Variants in SSBP2 observed in about 807,000 individuals in gnomAD.
SSBP2 encodes the protein single-stranded DNA-binding protein 2.
SSBP2 carries 17 observed loss-of-function variants against 61.8 expected under a neutral mutation model. The ratio of observed to expected loss-of-function variants is 0.28; its 90% CI spans 0.19 to 0.41. SSBP2 has a LOEUF of 0.41. Ranked by LOEUF, SSBP2 falls within the 10% of genes least tolerant of loss-of-function variation. The pLI, the probability that SSBP2 is intolerant of heterozygous loss-of-function variation, is 1.00. For missense variants in SSBP2, 310 were observed against 458.7 expected (o/e 0.68, Z 2.96); for synonymous variants, 139 against 141.3 (o/e 0.98, Z 0.12).
intron 4 of SSBP2, among the ~76,000 whole-genome samples, chr5:81,533,368 G>A (rs191586456): frequency 7.4e-4 from 113 of 151,956 alleles, no homozygotes; most frequent in African/African-American, 2.7e-3. Context: ...AATTTGTGGG[G>A]TAAAGCTAAA....
intron 1 of SSBP2, among the ~76,000 whole-genome samples, chr5:81,716,871 T>C (rs754943940): frequency 1.6e-4 from 25 of 152,176 alleles, no homozygotes; most frequent in Non-Finnish European, 3.1e-4. Context: ...AAGGGAAGCA[T>C]CAAGTATGTG....
intron 4 of SSBP2, among the ~76,000 whole-genome samples, chr5:81,607,877 G>C (rs1745030339): frequency 6.6e-6 from 1 of 152,122 alleles, no homozygotes; most frequent in Non-Finnish European, 1.5e-5. Flanking sequence ...AGTTCGAGCT[G>C]GAAGCATTCT....
At chr5:81,727,070 G>A (rs537027584) in intron 1 of SSBP2, among the ~76,000 whole-genome samples, 2 of 152,128 alleles carry the variant, frequency 1.3e-5, no homozygotes, top group Non-Finnish European at 2.9e-5. Context: ...TTTAGGAAGC[G>A]GCAAAATAGA....
chr5:81,750,639 C>A (rs1444731049), intron 1 of SSBP2: 1 of 274,820 alleles, frequency 3.6e-6, no homozygotes, highest in Non-Finnish European at 6.9e-6. Context: ...CCCCGGAGCC[C>A]CGGACCCCAG....
chr5:81,662,784 G>A (rs756840014), intron 1 of SSBP2, among the ~76,000 whole-genome samples: 3 of 152,062 alleles, frequency 2.0e-5, no homozygotes, highest in Non-Finnish European at 1.5e-5. Context: ...CTGGGTGACA[G>A]AGCAAGACTC....
chr5:81,424,405 C>T (rs1761820577), intron 16 of SSBP2, among the ~76,000 whole-genome samples: 1 of 151,626 alleles, frequency 6.6e-6, no homozygotes, highest in South Asian at 2.1e-4. Flanking sequence ...GCCTGGGAAA[C>T]AGAATGAGAC....
intron 1 of SSBP2, among the ~76,000 whole-genome samples, chr5:81,655,525 G>A (rs572963432): frequency 3.3e-5 from 5 of 152,148 alleles, no homozygotes; most frequent in African/African-American, 1.2e-4. Context: ...CAGTGACCAA[G>A]TTATCAAAAT....
intron 16 of SSBP2, among the ~76,000 whole-genome samples, chr5:81,425,704 A>T (rs955922664): frequency 6.6e-6 from 1 of 152,016 alleles, no homozygotes; most frequent in African/African-American, 2.4e-5. Flanking sequence ...CTTGAAATAA[A>T]GGGTCTTGGT....
At chr5:81,466,287 A>G (rs1190439850) in intron 9 of SSBP2, among the ~76,000 whole-genome samples, 1 of 152,020 alleles carries the variant, frequency 6.6e-6, no homozygotes, top group Admixed American at 6.6e-5. Flanking sequence ...AAATTTCCTA[A>G]CAAACTACAT....
chr5:81,616,506 G>A (rs1746051595), intron 3 of SSBP2: 1 of 149,858 alleles, frequency 6.7e-6, no homozygotes, highest in African/African-American at 2.5e-5. Flanking sequence ...AAACTGCAAG[G>A]CGGCAGCGAG....
chr5:81,589,874 G>GGAGA (rs151202879), intron 4 of SSBP2, among the ~76,000 whole-genome samples: 1 of 150,594 alleles, frequency 6.6e-6, no homozygotes, highest in Non-Finnish European at 1.5e-5. Context: ...GGTGAGAGAG[G>GGAGA]GAGAGAGAGA....
At chr5:81,539,864 A>T (rs1771113729) in intron 4 of SSBP2, among the ~76,000 whole-genome samples, 1 of 152,170 alleles carries the variant, frequency 6.6e-6, no homozygotes, top group Non-Finnish European at 1.5e-5. Context: ...CATCTACATT[A>T]GGTATTTCTC....
chr5:81,670,249 T>G (rs1259750468), intron 1 of SSBP2, among the ~76,000 whole-genome samples: 1 of 152,160 alleles, frequency 6.6e-6, no homozygotes, highest in Non-Finnish European at 1.5e-5. Flanking sequence ...AACGTGGAGG[T>G]AACACATGTG....
At chr5:81,739,612 C>T (rs1756871620) in intron 1 of SSBP2, among the ~76,000 whole-genome samples, 1 of 152,066 alleles carries the variant, frequency 6.6e-6, no homozygotes, top group South Asian at 2.1e-4. Flanking sequence ...CTCAGGAAGG[C>T]TCAACAGAGG....
rs558664290 is a variant in SSBP2 at position 81,421,104 on chromosome 5, T to C, written c.1057-571A>G. ...AACAGAAACAACTCCAAGCTGGCCC[T>C]GGGAAGCTCTCATTAAAGCATTTAA... is the stretch of plus-strand genomic sequence containing the variant. On this transcript the variant is annotated intron_variant, in intron 16 of 16. Transcript: ENST00000320672. Among the ~76,000 whole-genome samples, 28 of 152,288 alleles carry C rather than the reference T, an allele frequency of 1.8e-4. No homozygotes were observed. The South Asian group carries it at 5.4e-3, about 29-fold the overall frequency.
At chr5:81,749,850 C>T (rs1757604521) in intron 1 of SSBP2, among the ~76,000 whole-genome samples, 1 of 152,138 alleles carries the variant, frequency 6.6e-6, no homozygotes, top group Admixed American at 6.5e-5. Context: ...GCCTCTTGGG[C>T]TCCCACCGAA....
chr5:81,564,148 A>G (rs1773257429), intron 4 of SSBP2, among the ~76,000 whole-genome samples: 1 of 152,208 alleles, frequency 6.6e-6, no homozygotes, highest in African/African-American at 2.4e-5. Flanking sequence ...GTGAAAAAAG[A>G]TACTAACATC....
chr5:81,464,747 C>T (rs1435844300), intron 9 of SSBP2, among the ~76,000 whole-genome samples: 1 of 152,062 alleles, frequency 6.6e-6, no homozygotes, highest in Non-Finnish European at 1.5e-5. Context: ...TTAGTTAGTT[C>T]AAGACAGAGC....
chr5:81,445,506 T>C (rs1471927670), intron 12 of SSBP2, among the ~76,000 whole-genome samples: 1 of 152,024 alleles, frequency 6.6e-6, no homozygotes, highest in African/African-American at 2.4e-5. Flanking sequence ...AACATAAATA[T>C]GGGCAAGATG....
Sources: allele counts gnomAD v4.1 joint callset (sites outside exome capture counted in the v4.1 genomes callset), GRCh38; gene constraint gnomAD v4.1.1; transcripts MANE v1.5; gene names NCBI Gene and HGNC (gene_info 2026-07-23, HGNC 2026-07-21).